Variants in CNTN3 observed in about 807,000 individuals in gnomAD.
The protein encoded by CNTN3 is contactin 3.
CNTN3 carries 60 observed loss-of-function variants against 119.1 expected under a neutral mutation model. The observed-to-expected ratio is 0.50, with a 90% confidence interval of 0.41 to 0.62. CNTN3 has a LOEUF of 0.62. Ranked by LOEUF, CNTN3 falls within the 20% of genes least tolerant of loss-of-function variation. The pLI is 0.00. For synonymous variants in CNTN3, 450 were observed against 438.7 expected (o/e 1.03, Z -0.32); for missense variants, 1,101 against 1,242.4 (o/e 0.89, Z 1.71).
chr3:74,285,877 G>A (rs1445420914), intron 19 of CNTN3, among the ~76,000 whole-genome samples: 1 of 133,788 alleles, frequency 7.5e-6, no homozygotes, highest in Non-Finnish European at 1.6e-5. Flanking sequence ...CATTAATATT[G>A]CCAATTTTCT....
At chr3:74,407,625 T>A (rs1417765304) in intron 5 of CNTN3, among the ~76,000 whole-genome samples, 1 of 151,852 alleles carries the variant, frequency 6.6e-6, no homozygotes, top group Non-Finnish European at 1.5e-5. Flanking sequence ...CCTCGAAACT[T>A]GCTTCTTAAA....
chr3:74,469,811 T>C (rs569705932), intron 4 of CNTN3, among the ~76,000 whole-genome samples: 1 of 152,246 alleles, frequency 6.6e-6, no homozygotes, highest in African/African-American at 2.4e-5. Flanking sequence ...AAACGTTAAA[T>C]GTAGAGTTAT....
intron 5 of CNTN3, among the ~76,000 whole-genome samples, chr3:74,386,778 G>C (rs187521198): frequency 1.9e-4 from 29 of 152,284 alleles, no homozygotes; most frequent in Admixed American, 1.7e-3. Context: ...GTCCATACAG[G>C]AATGCATAAC....
Position 74,369,324 on chromosome 3 carries a change from T to C in CNTN3, c.811A>G (p.Ser271Gly), listed in dbSNP as rs1704277798. ...WRRSDGLPFS[S>G]KIKLRKFSGV... Reference sequence around the variant, plus strand: ...CTGAACTTCCTTAATTTAATTTTGCTGGAAAATGGCAGCCCATCACTTCTT... The same window carrying C: ...CTGAACTTCCTTAATTTAATTTTGCCGGAAAATGGCAGCCCATCACTTCTT... The change falls in exon 8 of 23, where the codon AGC (serine) becomes GGC (glycine). Residue 271 changes from serine (S) to glycine (G), a missense_variant. Physicochemically the swap from Ser to Gly is moderately conservative, Grantham distance 56. Coordinates refer to ENST00000263665, the MANE Select transcript of CNTN3 (RefSeq NM_020872.3). 7.5e-6 allele frequency: 12 copies of C among 1,609,740 alleles called. No individual in the cohort carries two copies. Among genetic ancestry groups the C allele is most frequent in the Non-Finnish European group, 8.5e-6 (10 of 1,177,980 alleles).
intron 5 of CNTN3, among the ~76,000 whole-genome samples, chr3:74,385,581 G>T (rs2106819008): frequency 6.6e-6 from 1 of 152,248 alleles, no homozygotes; most frequent in Non-Finnish European, 1.5e-5. Flanking sequence ...CTAGGTGTGT[G>T]CCCTTTGATA....
At chr3:74,296,654 T>C (rs1702343560) in intron 18 of CNTN3, among the ~76,000 whole-genome samples, 1 of 152,232 alleles carries the variant, frequency 6.6e-6, no homozygotes, top group African/African-American at 2.4e-5. Context: ...ATATATTTCG[T>C]GAGCTCAGAA....
intron 4 of CNTN3, among the ~76,000 whole-genome samples, chr3:74,462,934 A>G (rs543848774): frequency 6.6e-6 from 1 of 151,878 alleles, no homozygotes; most frequent in East Asian, 1.9e-4. Flanking sequence ...ATCTCTTCCT[A>G]CTCTGTGCTT....
chr3:74,336,887 A>G (rs1352211319), intron 11 of CNTN3, among the ~76,000 whole-genome samples: 1 of 152,038 alleles, frequency 6.6e-6, no homozygotes, highest in East Asian at 1.9e-4. Context: ...ACCAATTTGA[A>G]CTTTGTTCAG....
intron 4 of CNTN3, among the ~76,000 whole-genome samples, chr3:74,463,524 C>A (rs1391010008): frequency 6.6e-6 from 1 of 152,056 alleles, no homozygotes; most frequent in South Asian, 2.1e-4. Context: ...CTATGAGGAA[C>A]TAATTGGTTT....
In CNTN3 at chr3:74,310,363, T is replaced by C. The variant is rs181569358; in HGVS notation, c.1669-7556A>G. 3.3e-3 allele frequency among the ~76,000 whole-genome samples: 499 copies of C among 152,318 alleles called. 12 individuals are homozygous for C. Among genetic ancestry groups the C allele is most frequent in the Admixed American group, 0.029 (443 of 15,298 alleles). On this transcript the variant is annotated intron_variant, in intron 13 of 22. Coordinates refer to ENST00000263665, the MANE Select transcript of CNTN3 (RefSeq NM_020872.3). The stretch of plus-strand genomic sequence containing the variant: ...CAAACCTTAGTGGATTAGAAAATTA[T>C]CATTTTTTTTTCTGTTCAGTAATGT...
intron 4 of CNTN3, among the ~76,000 whole-genome samples, chr3:74,450,860 G>T (rs958309968): frequency 6.6e-6 from 1 of 151,858 alleles, no homozygotes. Context: ...TTTTATGGCT[G>T]CGTAGTATTC....
intron 13 of CNTN3, among the ~76,000 whole-genome samples, chr3:74,317,670 C>G (rs1219425211): frequency 1.3e-5 from 2 of 152,224 alleles, no homozygotes; most frequent in Admixed American, 1.3e-4. Context: ...TTGGCCCCCA[C>G]TATCTTCTGG....
chr3:74,274,235 C>T (rs145712186), intron 20 of CNTN3, among the ~76,000 whole-genome samples: 5 of 152,082 alleles, frequency 3.3e-5, no homozygotes, highest in African/African-American at 1.2e-4. Context: ...TAGCTGAACA[C>T]AAAAGGCATA....
chr3:74,612,999 A>T (rs1466464157), intron 1 of CNTN3, among the ~76,000 whole-genome samples: 1 of 152,244 alleles, frequency 6.6e-6, no homozygotes, highest in Non-Finnish European at 1.5e-5. Flanking sequence ...GGTTAAAACC[A>T]TGAACCAAGA....
intron 5 of CNTN3, among the ~76,000 whole-genome samples, chr3:74,397,211 A>C (rs1481612808): frequency 6.6e-6 from 1 of 152,188 alleles, no homozygotes; most frequent in Non-Finnish European, 1.5e-5. Context: ...GAAGAACAAA[A>C]CATGGGTGAG....
chr3:74,507,626 C>CTTTTTTTTTTTTT (rs59540461), intron 2 of CNTN3, among the ~76,000 whole-genome samples: 2 of 103,650 alleles, frequency 1.9e-5, no homozygotes, highest in Non-Finnish European at 3.7e-5. Context: ...TTCTTTCTTT[C>CTTTTTTTTTTTTT]TTTTTTTTTT....
chr3:74,502,196 G>A (rs527571081), intron 2 of CNTN3, among the ~76,000 whole-genome samples: 13 of 152,060 alleles, frequency 8.5e-5, no homozygotes, highest in Admixed American at 5.2e-4. Flanking sequence ...TTAACATAAT[G>A]GTATAAATTT....
intron 11 of CNTN3, among the ~76,000 whole-genome samples, chr3:74,360,326 C>A (rs1260692536): frequency 6.6e-6 from 1 of 152,124 alleles, no homozygotes; most frequent in East Asian, 1.9e-4. Context: ...GCTGAGACCA[C>A]CTCAAAGATT....
chr3:74,361,511 A>G (rs369280145), intron 11 of CNTN3, among the ~76,000 whole-genome samples: 1 of 152,200 alleles, frequency 6.6e-6, no homozygotes, highest in African/African-American at 2.4e-5. Flanking sequence ...ATAGGATAAC[A>G]GCAATATTTG....
Sources: gnomAD v4.1 joint callset for allele counts (sites outside exome capture counted in the v4.1 genomes callset) on GRCh38, gnomAD v4.1.1 for gene constraint, MANE v1.5 for transcripts, NCBI Gene and HGNC (gene_info 2026-07-23, HGNC 2026-07-21) for gene names.